Variants in SMYD3 observed in about 807,000 individuals in gnomAD.
SMYD3 encodes histone-lysine N-methyltransferase SMYD3.
A neutral mutation model predicts 57.7 loss-of-function variants in SMYD3; 36 were observed. The observed-to-expected ratio is 0.62, with a 90% CI of 0.48 to 0.82. The LOEUF (loss-of-function observed/expected upper bound fraction) is 0.82, where lower values mean the gene tolerates loss of function less well. Among genes scored for constraint, SMYD3 ranks in the 40% least tolerant of loss-of-function variants. SMYD3 has a pLI of 0.00. For synonymous variants in SMYD3, 211 were observed against 195.0 expected (o/e 1.08, Z -0.68); for missense variants, 515 against 538.8 (o/e 0.96, Z 0.44).
At chr1:246,356,120 C>T (rs775831764) in intron 1 of SMYD3, among the ~76,000 whole-genome samples, 3 of 122,372 alleles carry the variant, frequency 2.5e-5, no homozygotes, top group African/African-American at 8.5e-5. Context: ...GATCACAGGA[C>T]TCTTAGCAGT....
chr1:245,863,955 C>T, intron 8 of SMYD3, 69 bp from the exon 9 acceptor site: 1 of 1,389,522 alleles, frequency 7.2e-7, no homozygotes, highest in East Asian at 2.3e-5. Flanking sequence ...ATAGACCTTT[C>T]TCCCAGATAT....
chr1:246,235,398 T>C (rs1034205444), intron 5 of SMYD3, among the ~76,000 whole-genome samples: 2 of 152,220 alleles, frequency 1.3e-5, no homozygotes, highest in African/African-American at 2.4e-5. Context: ...GTGTTATTCA[T>C]TGTGGAGAAT....
rs2063582626 is a variant in SMYD3, at chr1:246,240,162, GC to G, written c.531+87038del. On this transcript the variant is annotated intron_variant, in intron 5 of 11. Coordinates refer to ENST00000490107, the MANE Select transcript of SMYD3 (RefSeq NM_001167740.2). Reference sequence around the variant, plus strand: ...TTGCTGTTTTAGTCATGAAGTCCTTGCCCCTCCCTAGGTCCTGAATGGTATT... The same window carrying G: ...TTGCTGTTTTAGTCATGAAGTCCTTGCCCTCCCTAGGTCCTGAATGGTATT... 2.0e-5 allele frequency among the ~76,000 whole-genome samples: 3 copies of G among 152,116 alleles called. No homozygotes were observed. In the South Asian group the frequency reaches 6.2e-4, roughly 32 times the overall value.
chr1:246,289,846 G>T (rs1475899850), intron 5 of SMYD3, among the ~76,000 whole-genome samples: 1 of 152,104 alleles, frequency 6.6e-6, no homozygotes, highest in African/African-American at 2.4e-5. Flanking sequence ...CCTCAGTAGG[G>T]ACTATTCCCA....
At chr1:245,948,966 T>C (rs1196001587) in intron 5 of SMYD3, among the ~76,000 whole-genome samples, 4 of 152,168 alleles carry the variant, frequency 2.6e-5, no homozygotes, top group Non-Finnish European at 5.9e-5. Context: ...GCAGTTCCTC[T>C]GCAAGCCTGA....
intron 10 of SMYD3, among the ~76,000 whole-genome samples, chr1:245,810,025 A>G (rs1474984554): frequency 6.6e-6 from 1 of 152,210 alleles, no homozygotes; most frequent in African/African-American, 2.4e-5. Context: ...AAACGAGGTA[A>G]GTAGTACTCA....
chr1:245,886,550 A>G (rs557335632), intron 8 of SMYD3, among the ~76,000 whole-genome samples: 1 of 152,318 alleles, frequency 6.6e-6, no homozygotes, highest in African/African-American at 2.4e-5. Flanking sequence ...CTGTAAGCAG[A>G]TGAGTATTTG....
chr1:245,993,910 A>C (rs2058868549), intron 5 of SMYD3, among the ~76,000 whole-genome samples: 1 of 152,214 alleles, frequency 6.6e-6, no homozygotes, highest in Admixed American at 6.5e-5. Flanking sequence ...TGTTATGTAT[A>C]TCTTACCACC....
chr1:246,028,353 C>CA (rs1263380201), intron 5 of SMYD3, among the ~76,000 whole-genome samples: 17 of 152,028 alleles, frequency 1.1e-4, no homozygotes, highest in Non-Finnish European at 2.4e-4. Context: ...CTAAAGACTC[C>CA]ACCAAAAAAC....
At chr1:246,438,812 C>T (rs2067419831) in intron 1 of SMYD3, among the ~76,000 whole-genome samples, 1 of 151,424 alleles carries the variant, frequency 6.6e-6, no homozygotes, top group African/African-American at 2.4e-5. Context: ...CTTTGATTCT[C>T]ATACTGTGAG....
chr1:246,009,386 G>A (rs1247929187), intron 5 of SMYD3, among the ~76,000 whole-genome samples: 2 of 152,218 alleles, frequency 1.3e-5, no homozygotes, highest in African/African-American at 2.4e-5. Context: ...TCTAGGAAGA[G>A]TCTACAATCC....
At chr1:246,409,176 T>C (rs2066918570) in intron 1 of SMYD3, among the ~76,000 whole-genome samples, 1 of 152,216 alleles carries the variant, frequency 6.6e-6, no homozygotes, top group Non-Finnish European at 1.5e-5. Context: ...AGCTCTTTAG[T>C]TCAATTAGAT....
At chr1:245,833,019 G>A (rs1215154419) in intron 10 of SMYD3, among the ~76,000 whole-genome samples, 1 of 136,534 alleles carries the variant, frequency 7.3e-6, no homozygotes, top group Admixed American at 7.6e-5. Context: ...TAGACATTTG[G>A]CAATCTCTGT....
chr1:246,406,823 T>C (rs2066873485), intron 1 of SMYD3, among the ~76,000 whole-genome samples: 3 of 152,166 alleles, frequency 2.0e-5, no homozygotes. Flanking sequence ...TCGTGCAAAA[T>C]TGCTTCGATA....
At chr1:246,055,010 C>T (rs1324199357) in intron 5 of SMYD3, among the ~76,000 whole-genome samples, 1 of 151,544 alleles carries the variant, frequency 6.6e-6, no homozygotes, top group African/African-American at 2.4e-5. Flanking sequence ...CCCGTCTCTA[C>T]TAAAAATACA....
intron 5 of SMYD3, among the ~76,000 whole-genome samples, chr1:246,221,506 G>A (rs2063253053): frequency 6.6e-6 from 1 of 152,220 alleles, no homozygotes; most frequent in Non-Finnish European, 1.5e-5. Context: ...CCAGACCTGG[G>A]AGCTCCCTGA....
Position 246,125,090 on chromosome 1 carries a change from AC to A in SMYD3, c.532-195154del, listed in dbSNP as rs10580442. On this transcript the variant is annotated intron_variant, in intron 5 of 11. Transcript: ENST00000490107. ...CCGTCTCAAAAAAAAAAAAAAAAACACACACACACACACACATCTGGAATTT... is the reference window on the plus strand; with the variant it reads ...CCGTCTCAAAAAAAAAAAAAAAAACAACACACACACACACATCTGGAATTT... Among the ~76,000 whole-genome samples the A allele has an allele frequency of 3.6e-3, 426 of 118,576 alleles. 1 individual carries two copies. The highest frequency in any genetic ancestry group is 5.4e-3 in the Non-Finnish European group (296 of 55,124). The allele number at this position is 118,576 out of a possible 152,430, so 77.8% of individuals were successfully genotyped here. A position where few individuals can be genotyped will look rare whatever the true frequency, so the allele number is the denominator to read the frequency against.
At position 246,330,541 on chromosome 1, in the gene SMYD3, T is replaced by G; in HGVS notation, c.337-4A>C. On this transcript the variant is annotated splice_polypyrimidine_tract_variant and splice_region_variant and intron_variant, in intron 3 of 11. Coordinates refer to ENST00000490107, the MANE Select transcript of SMYD3 (RefSeq NM_001167740.2). ...ATTCTGAAGGTGCTCCATCCATCTG[T>G]GAAGGAAAAGGGGAAAACGCCAATA... 11 of 1,589,470 alleles carry G rather than the reference T, an allele frequency of 6.9e-6. No individual in the cohort carries two copies. Among genetic ancestry groups the G allele is most frequent in the Non-Finnish European group, 9.4e-6 (11 of 1,170,540 alleles).
chr1:245,914,083 C>G (rs942678432), intron 8 of SMYD3, among the ~76,000 whole-genome samples: 5 of 152,100 alleles, frequency 3.3e-5, no homozygotes, highest in Non-Finnish European at 7.4e-5. Flanking sequence ...AAAAAGACAC[C>G]TAGGAATAAA....
Sources: gnomAD v4.1 joint callset for allele counts (sites outside exome capture counted in the v4.1 genomes callset) on GRCh38, gnomAD v4.1.1 for gene constraint, MANE v1.5 for transcripts, NCBI Gene and HGNC (gene_info 2026-07-23, HGNC 2026-07-21) for gene names.